Variants in IQUB observed in about 807,000 individuals in gnomAD.
The protein encoded by IQUB is IQ motif and ubiquitin-like domain-containing protein.
Under a neutral mutation model 86.4 loss-of-function variants are expected in IQUB, and 86 were observed. The ratio of observed to expected loss-of-function variants is 1.00; its 90% CI spans 0.84 to 1.19. The LOEUF is 1.19. IQUB is among the 50% of genes most tolerant of loss of function. The pLI, the probability that IQUB is intolerant of heterozygous loss-of-function variation, is 0.00. For missense variants in IQUB, 946 were observed against 916.9 expected, an observed-to-expected ratio of 1.03 and a Z score of -0.41; for synonymous variants, 289 against 304.5, an observed-to-expected ratio of 0.95 and a Z score of 0.53.
intron 9 of IQUB, among the ~76,000 whole-genome samples, chr7:123,467,268 AT>A (rs1475102563): frequency 6.6e-6 from 1 of 152,062 alleles, no homozygotes; most frequent in Non-Finnish European, 1.5e-5. Context: ...CAACATATTC[AT>A]TGTAATGAAT....
intron 11 of IQUB, among the ~76,000 whole-genome samples, chr7:123,460,527 T>C (rs1277650540): frequency 6.6e-6 from 1 of 151,944 alleles, no homozygotes; most frequent in Non-Finnish European, 1.5e-5. Flanking sequence ...TTGCCCTTAT[T>C]TGACAGTCTG....
intron 1 of IQUB, among the ~76,000 whole-genome samples, chr7:123,526,309 G>C (rs1018219507): frequency 6.6e-6 from 1 of 151,690 alleles, no homozygotes; most frequent in African/African-American, 2.4e-5. Context: ...GAGTGTTAAA[G>C]TCTCCCATTA....
intron 8 of IQUB, among the ~76,000 whole-genome samples, chr7:123,472,567 A>T (rs987553967): frequency 2.6e-5 from 4 of 152,218 alleles, no homozygotes; most frequent in African/African-American, 9.6e-5. Flanking sequence ...AAAGTATCTA[A>T]GATGAAATCT....
At chr7:123,465,838 C>A (rs1403543979) in intron 9 of IQUB, among the ~76,000 whole-genome samples, 1 of 151,952 alleles carries the variant, frequency 6.6e-6, no homozygotes. Flanking sequence ...ATATTGTCCT[C>A]ATACCTGAGG....
rs920046599 is a variant in IQUB, at chr7:123,461,250, TAGAG to T, written c.2007+103_2007+106del. On this transcript the variant is annotated intron_variant, in intron 11 of 12. Transcript: ENST00000324698. ...TCACAGAGCTTACAGTCTAGTGGAA[TAGAG>T]AGTCATTAAACAATCACACACACAC... 16 of 1,143,592 alleles carry T rather than the reference TAGAG, an allele frequency of 1.4e-5. No individual in the cohort carries two copies. In the Middle Eastern group the frequency reaches 6.2e-4, roughly 44 times the overall value. The allele number at this position is 1,143,592 out of a possible 1,614,324, so 70.8% of individuals were successfully genotyped here. A position where few individuals can be genotyped will look rare whatever the true frequency, so the allele number is the denominator to read the frequency against.
At chr7:123,517,702 T>G (rs1185396144) in intron 1 of IQUB, among the ~76,000 whole-genome samples, 17 of 152,142 alleles carry the variant, frequency 1.1e-4, no homozygotes. Flanking sequence ...GAACCATCCA[T>G]GGACCAACAA....
chr7:123,496,352 ACT>A (rs1260324973), intron 7 of IQUB, among the ~76,000 whole-genome samples: 3 of 152,130 alleles, frequency 2.0e-5, no homozygotes, highest in Non-Finnish European at 4.4e-5. Flanking sequence ...GAACAGCTCA[ACT>A]CTGAGTTCAA....
chr7:123,458,593 T>C (rs2116950067), intron 11 of IQUB, among the ~76,000 whole-genome samples: 1 of 152,136 alleles, frequency 6.6e-6, no homozygotes, highest in Non-Finnish European at 1.5e-5. Context: ...TTTTATATAT[T>C]TTACTTACAT....
intron 1 of IQUB, among the ~76,000 whole-genome samples, chr7:123,513,761 G>T (rs1247230395): frequency 1.3e-5 from 2 of 152,152 alleles, no homozygotes; most frequent in Non-Finnish European, 2.9e-5. Context: ...TGATTCTCCT[G>T]CCTTAGCCTC....
chr7:123,527,629 G>A (rs1253699993), intron 1 of IQUB, among the ~76,000 whole-genome samples: 2 of 152,184 alleles, frequency 1.3e-5, no homozygotes, highest in African/African-American at 4.8e-5. Context: ...GGCTGCTCGG[G>A]GGTCAGGGGC....
At chr7:123,499,152 C>T (rs1242357275) in intron 6 of IQUB, among the ~76,000 whole-genome samples, 4 of 151,970 alleles carry the variant, frequency 2.6e-5, no homozygotes, top group African/African-American at 9.7e-5. Flanking sequence ...TCACTGTCAC[C>T]CAGGCTAGAG....
chr7:123,486,992 A>G (rs1487301196), intron 7 of IQUB, among the ~76,000 whole-genome samples: 1 of 152,182 alleles, frequency 6.6e-6, no homozygotes, highest in African/African-American at 2.4e-5. Flanking sequence ...CTCATGCTGA[A>G]TTGTAATCCC....
chr7:123,470,461 G>A (rs908881384), intron 8 of IQUB, among the ~76,000 whole-genome samples: 1 of 152,136 alleles, frequency 6.6e-6, no homozygotes, highest in Non-Finnish European at 1.5e-5. Context: ...TCTTAGATGT[G>A]ATCTAATGTA....
At chr7:123,457,311 A>G in intron 12 of IQUB, 70 bp downstream of exon 12, 1 of 1,561,730 alleles carries the variant, frequency 6.4e-7, no homozygotes, top group Non-Finnish European at 8.7e-7. Flanking sequence ...ATATATTAGA[A>G]GGCAGTCCAG....
chr7:123,457,227 T>C (rs1268577250), intron 12 of IQUB, 154 bp downstream of exon 12: 4 of 973,246 alleles, frequency 4.1e-6, no homozygotes, highest in Non-Finnish European at 4.9e-6. Flanking sequence ...GTGCCATATA[T>C]GCCATCCATA....
At position 123,452,753 on chromosome 7, in the gene IQUB, G is replaced by A. The variant is rs1584534210; in HGVS notation, c.2366C>T (p.Pro789Leu). The A allele has an allele frequency of 6.2e-7, 1 of 1,611,438 alleles. No homozygotes were observed. Among genetic ancestry groups the A allele is most frequent in the Non-Finnish European group, 8.5e-7 (1 of 1,178,302 alleles). ...ATACTCCTGGATCACCTAATGAGGA[G>A]GCCTCTGGGATTCTATAATCTTAGG... ...TTPKIIESQRPPH is the reference protein window; with the variant it reads ...TTPKIIESQRLPH Residue 789 changes from proline to leucine, a missense_variant, in exon 13 of 13, where the codon CCT becomes CTT. Transcript: ENST00000324698.
chr7:123,482,332 A>C (rs369195104), intron 7 of IQUB, among the ~76,000 whole-genome samples: 6 of 152,056 alleles, frequency 3.9e-5, no homozygotes, highest in South Asian at 4.1e-4. Flanking sequence ...TTTAAAAATT[A>C]AATTGTCATA....
chr7:123,490,702 C>T (rs940584622), intron 7 of IQUB, among the ~76,000 whole-genome samples: 4 of 152,118 alleles, frequency 2.6e-5, no homozygotes, highest in African/African-American at 9.7e-5. Context: ...CATTGGCTCA[C>T]GCCTGTAATC....
Position 123,526,870 on chromosome 7 carries a change from G to GCTCCAGCGCA in IQUB, c.-5+7621_-5+7622insTGCGCTGGAG, listed in dbSNP as rs1464930574. ...CCTTTCCACGTTTAGCGCTTCTTCA[G>GCTCCAGCGCA]GCGCTCTTTTAGGGCAGGCCTGGTG... On this transcript the variant is annotated intron_variant, in intron 1 of 12. Coordinates refer to ENST00000324698, the MANE Select transcript of IQUB (RefSeq NM_178827.5). 1.3e-5 allele frequency among the ~76,000 whole-genome samples: 2 copies of GCTCCAGCGCA among 152,074 alleles called. 1 individual carries two copies. The highest frequency in any genetic ancestry group is 2.9e-5 in the Non-Finnish European group (2 of 68,014).
Sources: allele counts gnomAD v4.1 joint callset (sites outside exome capture counted in the v4.1 genomes callset), GRCh38; gene constraint gnomAD v4.1.1; transcripts MANE v1.5; gene names NCBI Gene and HGNC (gene_info 2026-07-23, HGNC 2026-07-21).